The following ZBTB7A variants were observed in gnomAD, a reference collection of about 807,000 sequenced individuals.
The protein encoded by ZBTB7A is zinc finger and BTB domain containing 7A.
ZBTB7A carries 7 observed loss-of-function variants against 26.7 expected under a neutral mutation model. That is an observed-to-expected ratio of 0.26 (90% CI 0.15 to 0.49). ZBTB7A has a LOEUF of 0.49. Ranked by LOEUF, ZBTB7A falls within the 20% of genes least tolerant of loss-of-function variation. The pLI is 0.98. For synonymous variants in ZBTB7A, 452 were observed against 441.0 expected (o/e 1.02, Z -0.31); for missense variants, 617 against 919.5 (o/e 0.67, Z 4.25).
rs1479348243 is a variant in ZBTB7A, at chr19:4,055,380, G to A, written c.-15-133C>T. 2.9e-6 allele frequency: 4 copies of A among 1,393,212 alleles called. No homozygotes were observed. In the East Asian group the frequency reaches 8.1e-5, roughly 28 times the overall value. The allele number at this position is 1,393,212 out of a possible 1,614,324, so 86.3% of individuals were successfully genotyped here. ...CCCAGCCTCACATTCCCACCTGCAC[G>A]TGAAGGCGGTCAGATGTCGCGCCTT... is the stretch of plus-strand genomic sequence containing the variant. On this transcript the variant is annotated intron_variant, in intron 1 of 2. Coordinates refer to ENST00000322357, the MANE Select transcript of ZBTB7A (RefSeq NM_015898.4).
At chr19:4,053,805 T>TGACGTGCATGTGTCTGTGCGTGTACGTG (rs2040534758) in intron 2 of ZBTB7A, among the ~76,000 whole-genome samples, 166 bp downstream of exon 2, 1 of 149,516 alleles carries the variant, frequency 6.7e-6, no homozygotes, top group African/African-American at 2.5e-5. Flanking sequence ...GATGTGTAGG[T>TGACGTGCATGTGTCTGTGCGTGTACGTG]GACGTGCATG....
intron 2 of ZBTB7A, among the ~76,000 whole-genome samples, chr19:4,053,703 G>A (rs994922726): frequency 2.5e-4 from 38 of 151,936 alleles, no homozygotes; most frequent in African/African-American, 8.7e-4. Flanking sequence ...GCGTCTGTGT[G>A]TGTGCATGTG....
rs567335262 is a variant in ZBTB7A, at chr19:4,048,782, G to C, written c.1263-538C>G. 8.0e-4 allele frequency among the ~76,000 whole-genome samples: 122 copies of C among 152,052 alleles called. No homozygotes were observed. Among genetic ancestry groups the C allele is most frequent in the South Asian group, 2.3e-3 (11 of 4,818 alleles). ...GCAGGAGGATCACTTGTATCTGGGA[G>C]GTGGAGGTTGCAGTGAAACTCCGTC... On this transcript the variant is annotated intron_variant, in intron 2 of 2. Transcript: ENST00000322357. This position sits in a 1 kb window ranked among gnomAD's most constrained non-coding sequence, Gnocchi z 6.7.
rs1201329364 is a variant in ZBTB7A at position 4,054,535 on chromosome 19, T to A, written c.698A>T (p.Asp233Val). The A allele has an allele frequency of 6.9e-7, 1 of 1,445,408 alleles. No individual in the cohort carries two copies. The highest frequency in any genetic ancestry group is 2.9e-5 in the Admixed American group (1 of 33,912). 89.5% of individuals were successfully genotyped at this position (1,445,408 alleles called of 1,614,324 possible). ...GPPAERPPTG[D>V]GDEGDSNPGL... ...CGGGTTGCTGTCGCCCTCGTCCCCGTCCCCCGTCGGGGGCCGCTCGGCCGG... is the reference window on the plus strand; with the variant it reads ...CGGGTTGCTGTCGCCCTCGTCCCCGACCCCCGTCGGGGGCCGCTCGGCCGG... Residue 233 changes from aspartate to valine, a missense_variant, in exon 2 of 3, where the codon GAC (aspartate) becomes GTC (valine). Asp to Val is a radical substitution (Grantham distance 152). Coordinates refer to ENST00000322357, the MANE Select transcript of ZBTB7A (RefSeq NM_015898.4).
At chr19:4,058,387 G>A (rs529407204) in intron 1 of ZBTB7A, among the ~76,000 whole-genome samples, 5 of 152,318 alleles carry the variant, frequency 3.3e-5, no homozygotes, top group South Asian at 2.1e-4. Context: ...CAGAGGTTTC[G>A]GGCAGCGCCG....
Position 4,048,340 on chromosome 19 carries a change from C to T in ZBTB7A, c.1263-96G>A. On this transcript the variant is annotated intron_variant, in intron 2 of 2. Coordinates refer to ENST00000322357, the MANE Select transcript of ZBTB7A (RefSeq NM_015898.4). The surrounding 1 kb of genome is among the most constrained non-coding windows in gnomAD (Gnocchi z 6.7). ...ACGGACACGGCAGGCCCTGGATCAT[C>T]ACCCTTGCAGAACACGGACCGTGCA... is the stretch of plus-strand genomic sequence containing the variant. The T allele has an allele frequency of 4.2e-6, 6 of 1,415,114 alleles. No individual in the cohort carries two copies. Among genetic ancestry groups the T allele is most frequent in the Non-Finnish European group, 5.5e-6 (6 of 1,089,166 alleles). 87.7% of individuals were successfully genotyped at this position (1,415,114 alleles called of 1,614,324 possible). A position where few individuals can be genotyped will look rare whatever the true frequency, so the allele number is the denominator to read the frequency against.
chr19:4,043,317 G>T lies in ZBTB7A; in HGVS notation c.*4435C>A, dbSNP rs1471949885. On this transcript the variant is annotated 3_prime_UTR_variant, in exon 3 of 3. Transcript: ENST00000322357. ...GAGGCGGCAGCGGTCGTAACAGGCT[G>T]CGTTTAGTGGTTCTTTTTTTTTTTT... Among the ~76,000 whole-genome samples, 1 of 150,076 alleles carries T rather than the reference G, an allele frequency of 6.7e-6. No individual in the cohort carries two copies. Among genetic ancestry groups the T allele is most frequent in the Admixed American group, 6.6e-5 (1 of 15,080 alleles).
intron 2 of ZBTB7A, among the ~76,000 whole-genome samples, chr19:4,053,199 G>A (rs561848823): frequency 3.1e-4 from 47 of 152,306 alleles, no homozygotes; most frequent in African/African-American, 9.6e-4. Context: ...AACCCTGTCC[G>A]GCACGCTTTG....
chr19:4,048,328 G>A lies in ZBTB7A; in HGVS notation c.1263-84C>T. On this transcript the variant is annotated intron_variant, in intron 2 of 2. Transcript: ENST00000322357. This position sits in a 1 kb window ranked among gnomAD's most constrained non-coding sequence, Gnocchi z 6.7. ...CCAGGGACCCTCACGGACACGGCAG[G>A]CCCTGGATCATCACCCTTGCAGAAC... The A allele has an allele frequency of 2.8e-6, 4 of 1,440,914 alleles. No individual in the cohort carries two copies. Among genetic ancestry groups the A allele is most frequent in the Non-Finnish European group, 3.6e-6 (4 of 1,104,348 alleles). The allele number at this position is 1,440,914 out of a possible 1,614,324, so 89.3% of individuals were successfully genotyped here. A position where few individuals can be genotyped will look rare whatever the true frequency, so the allele number is the denominator to read the frequency against.
intron 2 of ZBTB7A, among the ~76,000 whole-genome samples, chr19:4,049,168 GTATATATATATA>G (rs1181215162): frequency 1.3e-4 from 2 of 14,954 alleles, no homozygotes; most frequent in African/African-American, 2.8e-4. Context: ...GTGTGTGTGT[GTATATATATATA>G]TATATATATA....
In ZBTB7A at chr19:4,047,654, G is replaced by C. The variant is rs1296837069; in HGVS notation, c.*98C>G. The C allele has an allele frequency of 1.5e-6, 2 of 1,332,730 alleles. No homozygotes were observed. The highest frequency in any genetic ancestry group is 3.1e-5 in the African/African-American group (2 of 65,000). 82.6% of individuals were successfully genotyped at this position (1,332,730 alleles called of 1,614,324 possible). On this transcript the variant is annotated 3_prime_UTR_variant, in exon 3 of 3. Coordinates refer to ENST00000322357, the MANE Select transcript of ZBTB7A (RefSeq NM_015898.4). ...AGATATAGATATCTGTATATAGATA[G>C]ATTTTCTTTTTTTGTGTTTTTGGGG...
intron 1 of ZBTB7A, chr19:4,055,479 G>A (rs2040568303): frequency 2.0e-6 from 2 of 985,180 alleles, no homozygotes; most frequent in South Asian, 9.4e-5. Flanking sequence ...TTTTTTGTGT[G>A]TCTTTAATAC....
At chr19:4,055,715 C>T (rs1019775291) in intron 1 of ZBTB7A, among the ~76,000 whole-genome samples, 3 of 152,018 alleles carry the variant, frequency 2.0e-5, no homozygotes, top group African/African-American at 4.8e-5. Flanking sequence ...TCCAGCTACT[C>T]GGGAGGCTGA....
Position 4,054,235 on chromosome 19 carries a change from G to A in ZBTB7A, c.998C>T (p.Ala333Val), listed in dbSNP as rs1166128144. The A allele has an allele frequency of 6.3e-7, 1 of 1,582,264 alleles. No homozygotes were observed. The highest frequency in any genetic ancestry group is 8.5e-7 in the Non-Finnish European group (1 of 1,171,024). ...MMSSVGRAGA[A>V]AGDSDEESRA... is the part of the protein sequence containing the mutation. ...CGACTCCTCGTCGCTGTCCCCCGCC[G>A]CGGCCCCCGCCCGGCCCACCGATGA... Residue 333 changes from alanine (A) to valine (V), a missense_variant, in exon 2 of 3, where the codon GCG becomes GTG. Around this residue, in one of 5 missense-constraint regions of ZBTB7A, gnomAD observed 331 missense variants for 391.3 expected, o/e 0.85. Coordinates refer to ENST00000322357, the MANE Select transcript of ZBTB7A (RefSeq NM_015898.4).
At chr19:4,057,842 C>T (rs896699640) in intron 1 of ZBTB7A, among the ~76,000 whole-genome samples, 7 of 152,076 alleles carry the variant, frequency 4.6e-5, no homozygotes, top group Admixed American at 6.5e-5. Context: ...CAGTTCCACC[C>T]GAACCCCACC....
intron 1 of ZBTB7A, among the ~76,000 whole-genome samples, chr19:4,059,757 C>T (rs547189362): frequency 6.6e-6 from 1 of 151,182 alleles, no homozygotes; most frequent in Admixed American, 6.6e-5. Context: ...ACGCCCTGCG[C>T]CAATGCCCCC....
chr19:4,052,405 ACTGC>A lies in ZBTB7A; in HGVS notation c.1262+1562_1262+1565del, dbSNP rs1435038049. Among the ~76,000 whole-genome samples the A allele has an allele frequency of 2.0e-5, 3 of 151,818 alleles. No homozygotes were observed. Among genetic ancestry groups the A allele is most frequent in the African/African-American group, 7.3e-5 (3 of 41,316 alleles). On this transcript the variant is annotated intron_variant, in intron 2 of 2. Coordinates refer to ENST00000322357, the MANE Select transcript of ZBTB7A (RefSeq NM_015898.4). This position sits in a 1 kb window ranked among gnomAD's most constrained non-coding sequence, Gnocchi z 4.9. ...CAAGGAGGGACAAACCACCAGCTACACTGCCTGCCTCCCAAAGTGCCCTTTGCCC... is the reference window on the plus strand; with the variant it reads ...CAAGGAGGGACAAACCACCAGCTACACTGCCTCCCAAAGTGCCCTTTGCCC...
In ZBTB7A at chr19:4,054,719, G is replaced by C. The variant is rs1408998488; in HGVS notation, c.514C>G (p.Leu172Val). Residue 172 changes from leucine (L) to valine (V), a missense_variant, in exon 2 of 3, where the codon CTG (leucine) becomes GTG (valine). Transcript: ENST00000322357. Reference protein sequence around the residue: ...EFFQSNPMNSLPPAAAAAAAS... With the variant: ...EFFQSNPMNSVPPAAAAAAAS... ...GCGGCGGCGGCGGCCGCGGGGGGCA[G>C]GCTGTTCATGGGGTTGCTCTGGAAG... is the stretch of plus-strand genomic sequence containing the variant. 1 of 1,572,474 alleles carries C rather than the reference G, an allele frequency of 6.4e-7. No individual in the cohort carries two copies. Among genetic ancestry groups the C allele is most frequent in the Admixed American group, 1.9e-5 (1 of 53,374 alleles).
At chr19:4,055,298 C>T (rs1311644543) in intron 1 of ZBTB7A, 51 bp from the exon 2 acceptor site, 2 of 1,431,016 alleles carry the variant, frequency 1.4e-6, no homozygotes, top group East Asian at 5.1e-5. Context: ...TGCGGGGGTT[C>T]CTGTGCCCAC....
Sources: gnomAD v4.1 joint callset for allele counts (sites outside exome capture counted in the v4.1 genomes callset) on GRCh38, gnomAD v4.1.1 for gene constraint, gnomAD v4.1.1 regional missense constraint, Gnocchi (gnomAD v3.1) non-coding constraint, MANE v1.5 for transcripts, NCBI Gene and HGNC (gene_info 2026-07-23, HGNC 2026-07-21) for gene names.